Variants in TOLLIP observed in about 807,000 individuals in gnomAD.
TOLLIP encodes toll interacting protein.
A neutral mutation model predicts 33.5 loss-of-function variants in TOLLIP; 16 were observed. The ratio of observed to expected loss-of-function variants is 0.48; its 90% CI spans 0.32 to 0.72. TOLLIP has a LOEUF of 0.72. Ranked by LOEUF, TOLLIP falls within the 30% of genes least tolerant of loss-of-function variation. The probability of loss-of-function intolerance (pLI) is 0.03; values close to 1 mark genes in which losing one functional copy is unlikely to be tolerated. For synonymous variants in TOLLIP, 176 were observed against 163.7 expected, an observed-to-expected ratio of 1.07 and a Z score of -0.57; for missense variants, 325 against 396.6, an observed-to-expected ratio of 0.82 and a Z score of 1.53.
At chr11:1,295,373 A>C in intron 2 of TOLLIP, 1 of 333,682 alleles carries the variant, frequency 3.0e-6, no homozygotes, top group Non-Finnish European at 5.4e-6. Flanking sequence ...CCTTGGGCGT[A>C]CTCAAGCCTG....
chr11:1,277,009 C>G lies in TOLLIP; in HGVS notation c.*30G>C. The G allele has an allele frequency of 1.2e-6, 2 of 1,604,578 alleles. No homozygotes were observed. The highest frequency in any genetic ancestry group is 8.5e-7 in the Non-Finnish European group (1 of 1,172,912). On this transcript the variant is annotated 3_prime_UTR_variant, in exon 6 of 6. Coordinates refer to ENST00000317204, the MANE Select transcript of TOLLIP (RefSeq NM_019009.4). The surrounding 1 kb of genome is among the most constrained non-coding windows in gnomAD (Gnocchi z 4.2). ...GCGCCGGGTCGGCGTGTCCAAAGAG[C>G]GGGGGCAAAACGGCATCGAGGCAGA...
chr11:1,276,536 A>T lies in TOLLIP; in HGVS notation c.*503T>A, dbSNP rs149230501. On this transcript the variant is annotated 3_prime_UTR_variant, in exon 6 of 6. Coordinates refer to ENST00000317204, the MANE Select transcript of TOLLIP (RefSeq NM_019009.4). ...AGCTCACCAGACCCAAGCCCTGGGC[A>T]GGGGCCAGGCTCACAGCAAAGCGCG... is the stretch of plus-strand genomic sequence containing the variant. 3.4e-6 allele frequency: 2 copies of T among 590,160 alleles called. No homozygotes were observed. The highest frequency in any genetic ancestry group is 5.2e-6 in the Non-Finnish European group (2 of 382,840). 36.6% of individuals were successfully genotyped at this position (590,160 alleles called of 1,614,324 possible). A position where few individuals can be genotyped will look rare whatever the true frequency, so the allele number is the denominator to read the frequency against.
At chr11:1,307,190 G>A (rs996470927) in intron 1 of TOLLIP, among the ~76,000 whole-genome samples, 2 of 152,188 alleles carry the variant, frequency 1.3e-5, no homozygotes, top group African/African-American at 2.4e-5. Flanking sequence ...GACCCCCGTC[G>A]CTGACAACAC....
At chr11:1,300,430 C>T (rs886676175) in intron 1 of TOLLIP, among the ~76,000 whole-genome samples, 1 of 152,220 alleles carries the variant, frequency 6.6e-6, no homozygotes, top group Non-Finnish European at 1.5e-5. Context: ...AATTTCTCTT[C>T]AAGTCTAAGT....
At chr11:1,299,044 A>T (rs1246057023) in intron 1 of TOLLIP, among the ~76,000 whole-genome samples, 1 of 152,236 alleles carries the variant, frequency 6.6e-6, no homozygotes, top group African/African-American at 2.4e-5. Context: ...TGGAGCCAAC[A>T]GTCATGCCCC....
chr11:1,285,520 G>A (rs549860653), intron 5 of TOLLIP, among the ~76,000 whole-genome samples: 48 of 152,348 alleles, frequency 3.2e-4, no homozygotes, highest in African/African-American at 1.0e-3. Context: ...AGTGACACAC[G>A]ACAACAGACG....
In TOLLIP at chr11:1,290,076, A is replaced by G; in HGVS notation, c.366+151T>C. Reference sequence around the variant, plus strand: ...TCCCTTTTTCACATTCCTTGGGGAGAGCAGGACCCTGTCATGCACCCAATG... The same window carrying G: ...TCCCTTTTTCACATTCCTTGGGGAGGGCAGGACCCTGTCATGCACCCAATG... On this transcript the variant is annotated intron_variant, in intron 3 of 5. Transcript: ENST00000317204. The surrounding 1 kb of genome is among the most constrained non-coding windows in gnomAD (Gnocchi z 4.9). 1 of 679,214 alleles carries G rather than the reference A, an allele frequency of 1.5e-6. No individual in the cohort carries two copies. Among genetic ancestry groups the G allele is most frequent in the Admixed American group, 2.7e-5 (1 of 37,184 alleles). 42.1% of individuals were successfully genotyped at this position (679,214 alleles called of 1,614,324 possible).
Position 1,275,531 on chromosome 11 carries a change from C to G in TOLLIP, c.*1508G>C, listed in dbSNP as rs1863269159. 6.6e-6 allele frequency: 1 copy of G among 152,164 alleles called. No homozygotes were observed. Among genetic ancestry groups the G allele is most frequent in the Non-Finnish European group, 1.5e-5 (1 of 68,036 alleles). 9.4% of individuals were successfully genotyped at this position (152,164 alleles called of 1,614,324 possible). On this transcript the variant is annotated 3_prime_UTR_variant, in exon 6 of 6. Transcript: ENST00000317204. ...GTCTGAGTGGTCGGCGTCTGCTGAA[C>G]AAATACCATGTCTTTCTTCTTCAAA...
At chr11:1,295,545 T>C (rs1564975723) in intron 2 of TOLLIP, 100 bp downstream of exon 2, 6 of 1,354,814 alleles carry the variant, frequency 4.4e-6, no homozygotes, top group Non-Finnish European at 5.9e-6. Context: ...GAAGTTCTGT[T>C]TGCCCGCTTA....
At chr11:1,292,509 T>G (rs1863982228) in intron 2 of TOLLIP, among the ~76,000 whole-genome samples, 1 of 152,250 alleles carries the variant, frequency 6.6e-6, no homozygotes, top group African/African-American at 2.4e-5. Flanking sequence ...CTCCTCCCAC[T>G]GCCCTCTGCA....
rs190156697 is a variant in TOLLIP at position 1,287,246 on chromosome 11, G to C, written c.520-1154C>G. Among the ~76,000 whole-genome samples the C allele has an allele frequency of 4.1e-4, 63 of 152,324 alleles. No homozygotes were observed. The Middle Eastern group carries it at 0.01, about 25-fold the overall frequency. On this transcript the variant is annotated intron_variant, in intron 4 of 5. Coordinates refer to ENST00000317204, the MANE Select transcript of TOLLIP (RefSeq NM_019009.4). ...ATCACTGGAGCGTCATGATGGTTCT[G>C]TGTTTGTATGAAAGCGTCTGTTAAA...
intron 2 of TOLLIP, among the ~76,000 whole-genome samples, chr11:1,292,855 C>T (rs978916383): frequency 1.1e-4 from 17 of 152,232 alleles, no homozygotes; most frequent in South Asian, 2.1e-4. Context: ...ACCGGGTATG[C>T]GGGCTGCAGG....
At position 1,290,236 on chromosome 11, in the gene TOLLIP, G is replaced by C. The variant is rs1863890120; in HGVS notation, c.357C>G (p.Ile119Met). 6.2e-7 allele frequency: 1 copy of C among 1,613,014 alleles called. No individual in the cohort carries two copies. The highest frequency in any genetic ancestry group is 1.1e-5 in the South Asian group (1 of 91,090). ...PPGVDSFYLE[I>M]FDERAFSMDD... ...GGCACGTCCCTCTCACCTCATCGAA[G>C]ATCTCGAGATAGAAAGAGTCCACGC... The change falls in exon 3 of 6, where the codon ATC becomes ATG. Residue 119 changes from isoleucine to methionine, a missense_variant. Ile to Met is a conservative substitution (Grantham distance 10). Coordinates refer to ENST00000317204, the MANE Select transcript of TOLLIP (RefSeq NM_019009.4). This position sits in a 1 kb window ranked among gnomAD's most constrained non-coding sequence, Gnocchi z 4.9.
intron 1 of TOLLIP, 126 bp from the exon 2 acceptor site, chr11:1,295,920 G>T: frequency 8.1e-7 from 1 of 1,237,938 alleles, no homozygotes; most frequent in South Asian, 1.7e-5. Flanking sequence ...CCTGGACTGT[G>T]CTCAGCCTCA....
chr11:1,305,921 GTACTCCTCGA>G (rs1564981950), intron 1 of TOLLIP: 1 of 152,220 alleles, frequency 6.6e-6, no homozygotes, highest in Non-Finnish European at 1.5e-5. Context: ...GGTCCACACG[GTACTCCTCGA>G]TACTCCTCGC....
At chr11:1,309,131 G>A (rs1864513051) in intron 1 of TOLLIP, among the ~76,000 whole-genome samples, 1 of 150,230 alleles carries the variant, frequency 6.7e-6, no homozygotes, top group African/African-American at 2.5e-5. Flanking sequence ...GGGGAGCGGG[G>A]CCTGCCTCCC....
chr11:1,304,192 A>C (rs888422706), intron 1 of TOLLIP, among the ~76,000 whole-genome samples: 11 of 152,108 alleles, frequency 7.2e-5, no homozygotes, highest in Admixed American at 5.9e-4. Context: ...GAGCCAGGAG[A>C]GGGCGGGGTC....
intron 4 of TOLLIP, among the ~76,000 whole-genome samples, chr11:1,287,373 A>C (rs1395166498): frequency 1.3e-5 from 2 of 150,366 alleles, no homozygotes; most frequent in Non-Finnish European, 3.0e-5. Flanking sequence ...AAGATGGCCC[A>C]GAAAAGCAGC....
chr11:1,303,808 G>A lies in TOLLIP; in HGVS notation c.33+5658C>T, dbSNP rs1390018154. 6.6e-6 allele frequency among the ~76,000 whole-genome samples: 1 copy of A among 152,228 alleles called. No homozygotes were observed. Among genetic ancestry groups the A allele is most frequent in the Non-Finnish European group, 1.5e-5 (1 of 68,044 alleles). On this transcript the variant is annotated intron_variant, in intron 1 of 5. Transcript: ENST00000317204. The surrounding 1 kb of genome is among the most constrained non-coding windows in gnomAD (Gnocchi z 4.2). The stretch of plus-strand genomic sequence containing the variant: ...CCCAAAACTTTGGGAGGCTGAGGTG[G>A]GCGGATCACTTGAGACCAGGAGTTC...
Sources: gnomAD v4.1 joint callset for allele counts (sites outside exome capture counted in the v4.1 genomes callset) on GRCh38, gnomAD v4.1.1 for gene constraint, Gnocchi (gnomAD v3.1) non-coding constraint, MANE v1.5 for transcripts, NCBI Gene and HGNC (gene_info 2026-07-23, HGNC 2026-07-21) for gene names.